The following EMC3 variants were observed in gnomAD, a reference collection of about 807,000 sequenced individuals.
EMC3 encodes the protein ER membrane protein complex subunit 3, also known as 30 kDa protein.
In EMC3, 13 loss-of-function variants were observed where a neutral mutation model predicts 36.6. That is an observed-to-expected ratio of 0.35 (90% CI 0.23 to 0.56). The LOEUF is 0.56. Ranked by LOEUF, EMC3 falls within the 20% of genes least tolerant of loss-of-function variation. EMC3 has a pLI of 0.84. For missense variants in EMC3, 220 were observed against 324.5 expected, an observed-to-expected ratio of 0.68 and a Z score of 2.47; for synonymous variants, 120 against 111.9, an observed-to-expected ratio of 1.07 and a Z score of -0.46.
chr3:9,988,313 C>A, upstream of EMC3: 2 of 760,750 alleles, frequency 2.6e-6, no homozygotes, highest in Admixed American at 1.9e-5. Context: ...GAATTCACAT[C>A]TTGTAAGTTC....
Position 9,969,811 on chromosome 3 carries a change from A to C in EMC3, c.575-10T>G, listed in dbSNP as rs1165294117. The C allele has an allele frequency of 2.5e-6, 4 of 1,612,626 alleles. No individual in the cohort carries two copies. The South Asian group carries it at 4.4e-5, about 18-fold the overall frequency. ...CGTGATTGGTCAGCGGCTGTAGCATAAGACACACTTACATGAGTGCCAGGA... is the reference window on the plus strand; with the variant it reads ...CGTGATTGGTCAGCGGCTGTAGCATCAGACACACTTACATGAGTGCCAGGA... On this transcript the variant is annotated splice_polypyrimidine_tract_variant and intron_variant, in intron 6 of 7. Coordinates refer to ENST00000245046, the MANE Select transcript of EMC3 (RefSeq NM_001394674.1).
chr3:9,972,404 C>T (rs987003722), intron 5 of EMC3, among the ~76,000 whole-genome samples: 38 of 147,994 alleles, frequency 2.6e-4, no homozygotes, highest in Non-Finnish European at 4.6e-4. Context: ...TTTCCTTTTG[C>T]TAGACTCATG....
chr3:10,007,323 G>C, intron 1 of EMC3: 1 of 1,308,472 alleles, frequency 7.6e-7, no homozygotes, highest in South Asian at 1.3e-5. Context: ...AGCCCCTTCA[G>C]GTCCCGTCTG....
chr3:9,968,119 G>A (rs749175456), intron 7 of EMC3, among the ~76,000 whole-genome samples: 24 of 152,086 alleles, frequency 1.6e-4, no homozygotes, highest in Non-Finnish European at 2.4e-4. Flanking sequence ...ATGGCGTTTC[G>A]CCACGTTGGC....
chr3:10,009,703 C>T (rs1227511172), intron 1 of EMC3, among the ~76,000 whole-genome samples: 1 of 152,204 alleles, frequency 6.6e-6, no homozygotes, highest in Non-Finnish European at 1.5e-5. Context: ...AGCAATCCTG[C>T]CCTCAGAGGC....
chr3:9,996,563 CT>C (rs2086127731), intron 1 of EMC3, among the ~76,000 whole-genome samples: 1 of 152,168 alleles, frequency 6.6e-6, no homozygotes, highest in South Asian at 2.1e-4. Context: ...TGGACTGTGA[CT>C]TTGAACAACT....
chr3:9,970,495 C>A (rs1234633456), intron 6 of EMC3, 87 bp downstream of exon 6: 2 of 1,384,578 alleles, frequency 1.4e-6, no homozygotes, highest in South Asian at 1.2e-5. Context: ...TGGTAACAAA[C>A]AGCACAACCT....
intron 1 of EMC3, among the ~76,000 whole-genome samples, chr3:10,007,799 C>A (rs1156794351): frequency 6.6e-6 from 1 of 152,112 alleles, no homozygotes; most frequent in African/African-American, 2.4e-5. Context: ...CAGAAGGCCC[C>A]ACCCTTGTGC....
rs185597798 is a variant in EMC3, at chr3:10,000,715, C to T, written c.-242+10308G>A. 1.8e-4 allele frequency: 87 copies of T among 476,512 alleles called. 2 individuals carry two copies. The highest frequency in any genetic ancestry group is 1.1e-3 in the South Asian group (72 of 65,680). 29.5% of individuals were successfully genotyped at this position (476,512 alleles called of 1,614,324 possible). On this transcript the variant is annotated intron_variant, in intron 1 of 8. Transcript: ENST00000470827. Reference sequence around the variant, plus strand: ...CCTTCTTCTTAATGCCGGCAAAGATCATTTTTCTTCCATACCCTTGGGATT... The same window carrying T: ...CCTTCTTCTTAATGCCGGCAAAGATTATTTTTCTTCCATACCCTTGGGATT...
Position 9,976,950 on chromosome 3 carries a change from A to G in EMC3, c.307+7T>C, listed in dbSNP as rs750582385. On this transcript the variant is annotated splice_region_variant and intron_variant, in intron 3 of 7. Coordinates refer to ENST00000245046, the MANE Select transcript of EMC3 (RefSeq NM_001394674.1). ...TCCTTAAAGATGAGTGAAGGGAACAAACATACCAGTCATAGGAGAAGGTGG... is the reference window on the plus strand; with the variant it reads ...TCCTTAAAGATGAGTGAAGGGAACAGACATACCAGTCATAGGAGAAGGTGG... The G allele has an allele frequency of 6.2e-7, 1 of 1,603,644 alleles. No homozygotes were observed. The highest frequency in any genetic ancestry group is 8.5e-7 in the Non-Finnish European group (1 of 1,174,530).
chr3:9,974,323 G>T, intron 4 of EMC3, 61 bp downstream of exon 4: 2 of 1,100,446 alleles, frequency 1.8e-6, no homozygotes, highest in East Asian at 2.4e-5. Context: ...TGTGATATTA[G>T]TGTCTCACTA....
At chr3:9,990,085 C>T (rs2086029457), upstream of EMC3, among the ~76,000 whole-genome samples, 2 of 150,716 alleles carry the variant, frequency 1.3e-5, no homozygotes, top group African/African-American at 2.4e-5. Flanking sequence ...CAGGCAGTGG[C>T]GCAATCTCAG....
intron 1 of EMC3, among the ~76,000 whole-genome samples, chr3:9,977,866 C>T (rs2085865982): frequency 6.6e-6 from 1 of 151,944 alleles, no homozygotes; most frequent in South Asian, 2.1e-4. Context: ...GAAATGAGAA[C>T]AGGCCTTGAG....
chr3:9,990,768 C>T (rs2086039787), upstream of EMC3, among the ~76,000 whole-genome samples: 1 of 152,132 alleles, frequency 6.6e-6, no homozygotes, highest in Non-Finnish European at 1.5e-5. Flanking sequence ...CTGCCTCAGC[C>T]TCCCAAAGTG....
chr3:9,973,770 C>A, intron 4 of EMC3, 61 bp from the exon 5 acceptor site: 1 of 1,488,050 alleles, frequency 6.7e-7, no homozygotes, highest in Admixed American at 1.7e-5. Context: ...ATAAGTGTGA[C>A]TCTTTCTCAG....
In EMC3 at chr3:9,978,868, T is replaced by G. The variant is rs138617754; in HGVS notation, c.156-1422A>C. 3.7e-3 allele frequency among the ~76,000 whole-genome samples: 538 copies of G among 144,018 alleles called. 12 individuals carry two copies. In the South Asian group the frequency reaches 0.049, roughly 13 times the overall value. 94.5% of individuals were successfully genotyped at this position (144,018 alleles called of 152,430 possible). On this transcript the variant is annotated intron_variant, in intron 1 of 7. Transcript: ENST00000245046. Reference sequence around the variant, plus strand: ...AAAACAAACAAACAAACAAAAAAACTGTGCTTGGCTTCCTGTCTCTACTCA... The same window carrying G: ...AAAACAAACAAACAAACAAAAAAACGGTGCTTGGCTTCCTGTCTCTACTCA...
chr3:9,964,444 C>T (rs752488946), intron 7 of EMC3, among the ~76,000 whole-genome samples: 27 of 152,204 alleles, frequency 1.8e-4, no homozygotes, highest in Non-Finnish European at 3.5e-4. Flanking sequence ...AGGCCACTGG[C>T]ACTAGGAACT....
At chr3:9,992,866 T>C in intron 1 of EMC3, 2 of 1,459,822 alleles carry the variant, frequency 1.4e-6, no homozygotes, top group Non-Finnish European at 1.9e-6. Flanking sequence ...TATTATTGCA[T>C]ATTTATTGAC....
At chr3:9,994,215 A>G (rs77213366) in intron 1 of EMC3, 5 of 1,326,902 alleles carry the variant, frequency 3.8e-6, no homozygotes, top group Non-Finnish European at 4.1e-6. Context: ...TTCATCCATT[A>G]TGTCGCTGGC....
Sources: allele counts gnomAD v4.1 joint callset (sites outside exome capture counted in the v4.1 genomes callset), GRCh38; gene constraint gnomAD v4.1.1; transcripts MANE v1.5; gene names NCBI Gene and HGNC (gene_info 2026-07-23, HGNC 2026-07-21).